The following GABRG2 variants were observed in gnomAD, a reference collection of about 807,000 sequenced individuals.
GABRG2 encodes gamma-aminobutyric acid receptor subunit gamma-2.
In GABRG2, 16 loss-of-function variants were observed where a neutral mutation model predicts 56.4. That is an observed-to-expected ratio of 0.28 (90% confidence interval 0.19 to 0.43). The LOEUF is 0.43. Among genes scored for constraint, GABRG2 ranks in the 20% least tolerant of loss-of-function variants. The pLI is 1.00. For synonymous variants in GABRG2, 208 were observed against 205.5 expected (o/e 1.01, Z -0.10); for missense variants, 327 against 582.7 (o/e 0.56, Z 4.52).
rs2113652443 is a variant in GABRG2, at chr5:162,153,551, C to G, written c.*183C>G. The G allele has an allele frequency of 5.5e-6, 4 of 721,304 alleles. No homozygotes were observed. Among genetic ancestry groups the G allele is most frequent in the Middle Eastern group, 4.0e-4 (1 of 2,518 alleles). 44.7% of individuals were successfully genotyped at this position (721,304 alleles called of 1,614,324 possible). A position where few individuals can be genotyped will look rare whatever the true frequency, so the allele number is the denominator to read the frequency against. On this transcript the variant is annotated 3_prime_UTR_variant, in exon 10 of 10. Coordinates refer to ENST00000639213, the MANE Select transcript of GABRG2 (RefSeq NM_198904.4). Reference sequence around the variant, plus strand: ...GCCCAGCCCTCCTTTGGTTAGTGTACTTTGAACTTCGATGTTTGCTGTGTT... The same window carrying G: ...GCCCAGCCCTCCTTTGGTTAGTGTAGTTTGAACTTCGATGTTTGCTGTGTT...
chr5:162,097,916 A>T, intron 4 of GABRG2, 58 bp downstream of exon 4: 1 of 1,445,014 alleles, frequency 6.9e-7, no homozygotes, highest in South Asian at 1.1e-5. Context: ...CAAACACAAA[A>T]ATCAACCTTA....
chr5:162,134,123 T>C (rs538792776), intron 6 of GABRG2, among the ~76,000 whole-genome samples: 2 of 152,222 alleles, frequency 1.3e-5, no homozygotes, highest in Admixed American at 6.5e-5. Flanking sequence ...ATCATCATAG[T>C]CCTAACCACT....
chr5:162,074,203 C>T (rs182417308), intron 1 of GABRG2, among the ~76,000 whole-genome samples: 46 of 151,998 alleles, frequency 3.0e-4, no homozygotes, highest in African/African-American at 1.0e-3. Context: ...TCATATTAAT[C>T]CCTACAGTAT....
At chr5:162,110,679 C>T (rs1247732148) in intron 6 of GABRG2, among the ~76,000 whole-genome samples, 2 of 151,868 alleles carry the variant, frequency 1.3e-5, no homozygotes, top group East Asian at 3.9e-4. Context: ...GAAAATAAAA[C>T]CTAAATGAAA....
At chr5:162,083,388 C>T (rs1759811811) in intron 1 of GABRG2, 2 of 153,146 alleles carry the variant, frequency 1.3e-5, no homozygotes, top group African/African-American at 4.8e-5. Flanking sequence ...TCCTATCCAT[C>T]TGTGGACTCC....
intron 1 of GABRG2, among the ~76,000 whole-genome samples, chr5:162,084,158 C>A (rs573543237): frequency 2.6e-5 from 4 of 151,612 alleles, no homozygotes; most frequent in South Asian, 2.1e-4. Flanking sequence ...GAGACTTTGC[C>A]CTCAGTATAA....
Position 162,117,975 on chromosome 5 carries a change from T to A in GABRG2, c.769+13949T>A, listed in dbSNP as rs544537794. 2.2e-4 allele frequency among the ~76,000 whole-genome samples: 33 copies of A among 152,274 alleles called. 1 individual carries two copies. In the South Asian group the frequency reaches 6.8e-3, roughly 32 times the overall value. On this transcript the variant is annotated intron_variant, in intron 6 of 9. Transcript: ENST00000639213. Reference sequence around the variant, plus strand: ...CGTGTTACGCGCTTCACTAGAACTGTAAACTTGCGACAAATTTTTGCAGGT... The same window carrying A: ...CGTGTTACGCGCTTCACTAGAACTGAAAACTTGCGACAAATTTTTGCAGGT...
At chr5:162,152,892 A>C (rs772438336) in intron 9 of GABRG2, 1 of 642,610 alleles carries the variant, frequency 1.6e-6, no homozygotes, top group Non-Finnish European at 2.7e-6. Flanking sequence ...TTTCAGCTGC[A>C]CTGCTTAAGC....
At chr5:162,075,272 T>C (rs896651103) in intron 1 of GABRG2, among the ~76,000 whole-genome samples, 1 of 152,208 alleles carries the variant, frequency 6.6e-6, no homozygotes, top group African/African-American at 2.4e-5. Context: ...TATAACATTG[T>C]GTTCCCTGTG....
At chr5:162,085,625 A>G (rs1760030086) in intron 1 of GABRG2, among the ~76,000 whole-genome samples, 1 of 142,824 alleles carries the variant, frequency 7.0e-6, no homozygotes, top group Non-Finnish European at 1.5e-5. Flanking sequence ...GGTTTCTTAT[A>G]TAGGTAAACT....
intron 5 of GABRG2, chr5:162,103,066 A>G (rs1321044881): frequency 6.5e-6 from 1 of 154,092 alleles, no homozygotes; most frequent in Non-Finnish European, 1.4e-5. Context: ...TTAATTCTGC[A>G]GTTGACTTCA....
intron 1 of GABRG2, among the ~76,000 whole-genome samples, chr5:162,090,614 A>C (rs1760497169): frequency 1.3e-5 from 2 of 152,156 alleles, no homozygotes; most frequent in South Asian, 4.2e-4. Flanking sequence ...TGACACTATC[A>C]CTCAGAAACT....
chr5:162,079,890 C>T (rs185308319), intron 1 of GABRG2, among the ~76,000 whole-genome samples: 81 of 152,186 alleles, frequency 5.3e-4, no homozygotes, highest in Non-Finnish European at 8.5e-4. Context: ...AGCAATTCTC[C>T]CACCTCAGCC....
chr5:162,084,373 C>A (rs1369098449), intron 1 of GABRG2, among the ~76,000 whole-genome samples: 1 of 151,710 alleles, frequency 6.6e-6, no homozygotes, highest in African/African-American at 2.4e-5. Flanking sequence ...TTCAGTTTAC[C>A]ATGAAACACT....
At position 162,134,365 on chromosome 5, in the gene GABRG2, C is replaced by G. The variant is rs112664073; in HGVS notation, c.770-7799C>G. ...AGTTTCTCCTATGTTTATTATGGGT[C>G]AGAACAGTGTTTAATCATATTTCAT... is the stretch of plus-strand genomic sequence containing the variant. On this transcript the variant is annotated intron_variant, in intron 6 of 9. Coordinates refer to ENST00000639213, the MANE Select transcript of GABRG2 (RefSeq NM_198904.4). Among the ~76,000 whole-genome samples, 1,332 of 152,202 alleles carry G rather than the reference C, an allele frequency of 8.8e-3. 13 individuals carry two copies. The highest frequency in any genetic ancestry group is 0.029 in the African/African-American group (1,217 of 41,540).
intron 6 of GABRG2, 25 bp from the exon 7 acceptor site, chr5:162,142,139 T>C: frequency 6.2e-7 from 1 of 1,612,700 alleles, no homozygotes; most frequent in Non-Finnish European, 8.5e-7. Context: ...AAGGGTTGTA[T>C]GGTGTTATCT....
In GABRG2 at chr5:162,149,289, C is replaced by G; in HGVS notation, c.1104C>G (p.Asp368Glu). 6.2e-7 allele frequency: 1 copy of G among 1,614,018 alleles called. No homozygotes were observed. Among genetic ancestry groups the G allele is most frequent in the Non-Finnish European group, 8.5e-7 (1 of 1,179,984 alleles). Residue 368 changes from aspartate to glutamate, a missense_variant, in exon 8 of 10, where the codon GAC (aspartate) becomes GAG (glutamate). Physicochemically the swap from Asp to Glu is conservative, Grantham distance 45. Transcript: ENST00000639213. ...TCAGCAACCGGAAACCAAGCAAGGA[C>G]AAAGATAAAAAGAAGAAAAACCCTG... is the stretch of plus-strand genomic sequence containing the variant. ...YFVSNRKPSK[D>E]KDKKKKNPLL...
chr5:162,116,110 A>ATGTGTGTGTGTGTG (rs34083256), intron 6 of GABRG2, among the ~76,000 whole-genome samples: 1 of 127,150 alleles, frequency 7.9e-6, no homozygotes, highest in Admixed American at 9.2e-5. Context: ...GTGTGCGTGC[A>ATGTGTGTGTGTGTG]TGTGTGTGTG....
At chr5:162,075,380 T>C (rs1488949729) in intron 1 of GABRG2, among the ~76,000 whole-genome samples, 2 of 152,138 alleles carry the variant, frequency 1.3e-5, no homozygotes, top group South Asian at 2.1e-4. Context: ...CTCAGTGTAA[T>C]ATTGCAAACT....
Sources: gnomAD v4.1 joint callset for allele counts (sites outside exome capture counted in the v4.1 genomes callset) on GRCh38, gnomAD v4.1.1 for gene constraint, MANE v1.5 for transcripts, NCBI Gene and HGNC (gene_info 2026-07-23, HGNC 2026-07-21) for gene names.